The following MAD1L1 variants were observed in gnomAD, a reference collection of about 807,000 sequenced individuals.
MAD1L1 encodes the protein mitotic spindle assembly checkpoint protein MAD1.
A neutral mutation model predicts 96.9 loss-of-function variants in MAD1L1; 95 were observed. That is an observed-to-expected ratio of 0.98 (90% CI 0.83 to 1.16). The LOEUF (loss-of-function observed/expected upper bound fraction) is 1.16, where lower values mean the gene tolerates loss of function less well. Ranked by LOEUF, MAD1L1 falls within the 50% of genes most tolerant of loss-of-function variation. MAD1L1 has a pLI of 0.00. For missense variants in MAD1L1, 1,007 were observed against 954.4 expected (o/e 1.06, Z -0.73); for synonymous variants, 473 against 396.6 (o/e 1.19, Z -2.29).
intron 17 of MAD1L1, among the ~76,000 whole-genome samples, chr7:1,935,999 A>T (rs1778575378): frequency 6.6e-6 from 1 of 152,208 alleles, no homozygotes; most frequent in South Asian, 2.1e-4. Context: ...AACAGCAGAG[A>T]GCAACACAGG....
At chr7:2,179,516 G>C (rs561071887) in intron 10 of MAD1L1, among the ~76,000 whole-genome samples, 1 of 143,130 alleles carries the variant, frequency 7.0e-6, no homozygotes, top group Non-Finnish European at 1.5e-5. Context: ...CGACAACAGC[G>C]AGACTCTGTC....
At chr7:1,917,921 C>T (rs1788515515) in intron 17 of MAD1L1, among the ~76,000 whole-genome samples, 1 of 152,144 alleles carries the variant, frequency 6.6e-6, no homozygotes, top group African/African-American at 2.4e-5. Flanking sequence ...GGACGGAGGG[C>T]GGCCCTGACT....
At chr7:2,219,239 G>A (rs1028305893) in intron 6 of MAD1L1, 93 bp downstream of exon 6, 37 of 1,171,122 alleles carry the variant, frequency 3.2e-5, no homozygotes, top group Non-Finnish European at 4.3e-5. Context: ...ATCTGGGAGT[G>A]TATCCACATC....
chr7:2,209,650 G>A (rs1792795564), intron 10 of MAD1L1, among the ~76,000 whole-genome samples: 2 of 152,212 alleles, frequency 1.3e-5, no homozygotes, highest in South Asian at 2.1e-4. Context: ...CCAAGGCGGG[G>A]GCACCACCTA....
chr7:2,210,234 C>T lies in MAD1L1; in HGVS notation c.986+2978G>A, dbSNP rs532694168. Among the ~76,000 whole-genome samples, 102 of 152,198 alleles carry T rather than the reference C, an allele frequency of 6.7e-4. No homozygotes were observed. The South Asian group carries it at 0.014, about 21-fold the overall frequency. Reference sequence around the variant, plus strand: ...ACTACAGGTGCACACCACTGAGCACCGCTAATTTTTGTTTTGGTACACACG... The same window carrying T: ...ACTACAGGTGCACACCACTGAGCACTGCTAATTTTTGTTTTGGTACACACG... On this transcript the variant is annotated intron_variant, in intron 10 of 18. Transcript: ENST00000265854.
intron 5 of MAD1L1, among the ~76,000 whole-genome samples, 200 bp downstream of exon 5, chr7:2,222,375 C>T (rs1488035386): frequency 3.9e-5 from 6 of 152,160 alleles, no homozygotes; most frequent in African/African-American, 1.2e-4. Context: ...CCACCGCGCC[C>T]GGCCCAAAGT....
intron 18 of MAD1L1, among the ~76,000 whole-genome samples, chr7:1,834,349 G>A (rs559523694): frequency 2.0e-5 from 3 of 152,178 alleles, no homozygotes; most frequent in Non-Finnish European, 2.9e-5. Flanking sequence ...AAACAAAAAA[G>A]CAGTAGAAAT....
At chr7:2,079,069 GT>G (rs1785510544) in intron 11 of MAD1L1, among the ~76,000 whole-genome samples, 1 of 152,196 alleles carries the variant, frequency 6.6e-6, no homozygotes, top group African/African-American at 2.4e-5. Context: ...TTGGGAGGGG[GT>G]GAATGCCTCG....
intron 18 of MAD1L1, among the ~76,000 whole-genome samples, chr7:1,825,449 G>A (rs1782340104): frequency 6.6e-6 from 1 of 152,258 alleles, no homozygotes; most frequent in Non-Finnish European, 1.5e-5. Context: ...GCTGGTTGGG[G>A]TGGGTGGCGC....
chr7:2,115,895 T>C (rs1360005155), intron 11 of MAD1L1, among the ~76,000 whole-genome samples: 1 of 152,170 alleles, frequency 6.6e-6, no homozygotes, highest in Admixed American at 6.5e-5. Flanking sequence ...CCACTTCCCC[T>C]TCCTCCTGCC....
At chr7:2,072,740 C>G (rs144981659) in intron 11 of MAD1L1, among the ~76,000 whole-genome samples, 1 of 152,214 alleles carries the variant, frequency 6.6e-6, no homozygotes, top group Non-Finnish European at 1.5e-5. Context: ...GTGACAGGCA[C>G]AGCACAGGCA....
intron 16 of MAD1L1, among the ~76,000 whole-genome samples, chr7:1,950,249 C>T (rs1364132423): frequency 2.0e-5 from 3 of 152,186 alleles, no homozygotes; most frequent in Non-Finnish European, 4.4e-5. Context: ...CTCATGTCAC[C>T]CAGCGGCGAG....
intron 11 of MAD1L1, among the ~76,000 whole-genome samples, chr7:2,102,222 G>A (rs1415338948): frequency 5.2e-5 from 7 of 135,300 alleles, no homozygotes; most frequent in South Asian, 2.5e-4. Context: ...CACCGCCACC[G>A]TCGCCACCGC....
At chr7:2,078,129 G>A (rs577157375) in intron 11 of MAD1L1, among the ~76,000 whole-genome samples, 6 of 152,274 alleles carry the variant, frequency 3.9e-5, no homozygotes, top group Admixed American at 2.6e-4. Flanking sequence ...CCTGGAGACC[G>A]GCACGACAGA....
chr7:2,216,246 C>A lies in MAD1L1; in HGVS notation c.720G>T (p.Ala240=), dbSNP rs370925896. 74 of 1,614,068 alleles carry A rather than the reference C, an allele frequency of 4.6e-5. No homozygotes were observed. Among genetic ancestry groups the A allele is most frequent in the Middle Eastern group, 1.6e-4 (1 of 6,082 alleles). Reference sequence around the variant, plus strand: ...GCTCAGACTTCATGTTCTTCACAATCGCTGCATCCTGCTCTTGCAGGGACA... The same window carrying A: ...GCTCAGACTTCATGTTCTTCACAATAGCTGCATCCTGCTCTTGCAGGGACA... ...QKLSLQEQDA[A]IVKNMKSELV... Residue 240 remains alanine (A), a synonymous_variant, in exon 8 of 19, where the codon GCG becomes GCT. Transcript: ENST00000265854.
At chr7:1,894,178 G>A (rs1003962324) in intron 18 of MAD1L1, among the ~76,000 whole-genome samples, 1 of 152,194 alleles carries the variant, frequency 6.6e-6, no homozygotes, top group Non-Finnish European at 1.5e-5. Flanking sequence ...TGATCTCCTG[G>A]TCAGAGCTCC....
At chr7:1,988,613 G>A (rs1291391703) in intron 14 of MAD1L1, among the ~76,000 whole-genome samples, 5 of 152,308 alleles carry the variant, frequency 3.3e-5, no homozygotes, top group African/African-American at 4.8e-5. Flanking sequence ...AGTCCCTGAC[G>A]GACTCTCTGG....
chr7:2,073,482 C>T (rs955089259), intron 11 of MAD1L1, among the ~76,000 whole-genome samples: 1 of 152,304 alleles, frequency 6.6e-6, no homozygotes, highest in East Asian at 1.9e-4. Flanking sequence ...ATAACTAGAG[C>T]CTGGGATCTG....
At chr7:1,988,741 T>A (rs575954187) in intron 14 of MAD1L1, among the ~76,000 whole-genome samples, 1 of 152,282 alleles carries the variant, frequency 6.6e-6, no homozygotes, top group African/African-American at 2.4e-5. Context: ...GAGGACAGGA[T>A]TCCCGGCGGC....
Sources: allele counts gnomAD v4.1 joint callset (sites outside exome capture counted in the v4.1 genomes callset), GRCh38; gene constraint gnomAD v4.1.1; transcripts MANE v1.5; gene names NCBI Gene and HGNC (gene_info 2026-07-23, HGNC 2026-07-21).